BRF1: variants seen among roughly 807,000 people sequenced by gnomAD.
The protein encoded by BRF1 is transcription factor IIIB 90 kDa subunit.
BRF1 carries 59 observed loss-of-function variants against 81.7 expected under a neutral mutation model. That is an observed-to-expected ratio of 0.72 (90% CI 0.59 to 0.90). The LOEUF (loss-of-function observed/expected upper bound fraction) is 0.90, where lower values mean the gene tolerates loss of function less well. Among genes scored for constraint, BRF1 ranks in the 40% least tolerant of loss-of-function variants. The pLI is 0.00. For missense variants in BRF1, 1,050 were observed against 936.3 expected, an observed-to-expected ratio of 1.12 and a Z score of -1.58; for synonymous variants, 491 against 395.6, an observed-to-expected ratio of 1.24 and a Z score of -2.86.
Position 105,209,533 on chromosome 14 carries a change from C to CCCT in BRF1, c.*1015_*1017dup. The CCCT allele has an allele frequency of 1.4e-6, 1 of 702,624 alleles. No individual in the cohort carries two copies. The highest frequency in any genetic ancestry group is 1.5e-5 in the South Asian group (1 of 67,594). 43.5% of individuals were successfully genotyped at this position (702,624 alleles called of 1,614,324 possible). On this transcript the variant is annotated 3_prime_UTR_variant, in exon 18 of 18. Transcript: ENST00000547530. ...CCTCCTAAGGACACAGGGTGAAGCC[C>CCCT]CCTCGGCCACATCCGGGGCAGCCAT...
At chr14:105,216,779 A>C (rs981188179) in intron 15 of BRF1, among the ~76,000 whole-genome samples, 1 of 152,182 alleles carries the variant, frequency 6.6e-6, no homozygotes. Context: ...AGATCCCAAG[A>C]AGCAGTAGGA....
intron 3 of BRF1, among the ~76,000 whole-genome samples, chr14:105,262,179 C>T (rs2056191793): frequency 6.6e-6 from 1 of 152,212 alleles, no homozygotes; most frequent in East Asian, 1.9e-4. Context: ...CGGATCCTAG[C>T]TTGGAATGGG....
intron 5 of BRF1, among the ~76,000 whole-genome samples, chr14:105,251,302 T>C (rs1327758452): frequency 2.0e-5 from 3 of 152,168 alleles, no homozygotes; most frequent in Admixed American, 6.5e-5. Context: ...AGGTGCCTGG[T>C]TGTCTCTATG....
chr14:105,314,040 A>G (rs750848212), intron 1 of BRF1, among the ~76,000 whole-genome samples: 1 of 152,286 alleles, frequency 6.6e-6, no homozygotes, highest in African/African-American at 2.4e-5. Context: ...GCTGGGACGC[A>G]AAGAGGGCGC....
chr14:105,247,163 G>T (rs1317297708), intron 5 of BRF1: 1 of 985,388 alleles, frequency 1.0e-6, no homozygotes, highest in East Asian at 1.1e-4. Flanking sequence ...TGAAATCGCA[G>T]CTGTGGCCTC....
intron 10 of BRF1, among the ~76,000 whole-genome samples, chr14:105,223,776 G>A (rs1892669711): frequency 6.6e-6 from 1 of 152,138 alleles, no homozygotes; most frequent in South Asian, 2.1e-4. Flanking sequence ...TTTTAAATAT[G>A]AGCAGTTTTC....
rs2054621803 is a variant in BRF1 at position 105,241,371 on chromosome 14, G to A, written c.588C>T (p.Phe196=). Residue 196 remains phenylalanine (F), a synonymous_variant, in exon 6 of 18, where the codon TTC becomes TTT. Transcript: ENST00000547530. ...YIPRFAHLLE[F]GEKNHEVSMT... The stretch of plus-strand genomic sequence containing the variant: ...TGGACACCTCGTGGTTCTTCTCCCC[G>A]AATTCCAGCAGGTGCGCAAAGCGTG... 3.1e-6 allele frequency: 5 copies of A among 1,612,728 alleles called. No homozygotes were observed. The highest frequency in any genetic ancestry group is 1.1e-5 in the South Asian group (1 of 91,086).
At chr14:105,241,113 C>T (rs372889548) in intron 6 of BRF1, 152 bp downstream of exon 6, 58 of 1,266,064 alleles carry the variant, frequency 4.6e-5, no homozygotes, top group African/African-American at 9.0e-5. Context: ...CTGAGGACCC[C>T]GGTGGGCCAG....
chr14:105,300,307 T>A (rs1172017635), intron 1 of BRF1, 139 bp downstream of exon 1: 2 of 983,062 alleles, frequency 2.0e-6, no homozygotes, highest in Non-Finnish European at 2.8e-6. Context: ...GGATCCACAC[T>A]CGCGCCCAGA....
chr14:105,251,098 C>T lies in BRF1; in HGVS notation c.544+1409G>A, dbSNP rs147968356. The T allele has an allele frequency of 2.8e-3, 563 of 203,114 alleles. 2 individuals carry two copies. Among genetic ancestry groups the T allele is most frequent in the African/African-American group, 0.012 (530 of 42,870 alleles). 12.6% of individuals were successfully genotyped at this position (203,114 alleles called of 1,614,324 possible). On this transcript the variant is annotated intron_variant, in intron 5 of 17. Transcript: ENST00000547530. ...TAAAGGTTGCCTAAAATAACACCCACGTGTCAGTAAATGACTACAGCAGTT... is the reference window on the plus strand; with the variant it reads ...TAAAGGTTGCCTAAAATAACACCCATGTGTCAGTAAATGACTACAGCAGTT...
intron 3 of BRF1, among the ~76,000 whole-genome samples, chr14:105,265,176 T>A (rs2056355069): frequency 1.3e-5 from 2 of 151,592 alleles, no homozygotes; most frequent in African/African-American, 4.8e-5. Context: ...GCTTAAGTGA[T>A]CCTCCTGCCT....
At chr14:105,310,227 T>C (rs147567357) in intron 1 of BRF1, among the ~76,000 whole-genome samples, 2,175 of 152,028 alleles carry the variant, frequency 0.014, 59 homozygotes, top group African/African-American at 0.05. Context: ...TTTCCTTTGA[T>C]ATTAAGAATG....
At chr14:105,240,729 ACCACTAT>A (rs2054526170) in intron 6 of BRF1, among the ~76,000 whole-genome samples, 1 of 10,452 alleles carries the variant, frequency 9.6e-5, no homozygotes, top group African/African-American at 5.8e-4. Context: ...GAGAGGCCAC[ACCACTAT>A]CCGCGTAGTC....
chr14:105,248,977 GCGCCCCCGCGCCAGCGCCGCCGCCGCC>G (rs1289591180), intron 5 of BRF1: 10 of 981,866 alleles, frequency 1.0e-5, no homozygotes, highest in African/African-American at 1.8e-5. Context: ...AGCCCGCCCA[GCGCCCCCGCGCCAGCGCCGCCGCCGCC>G]CGCGCCCGCG....
rs138640836 is a variant in BRF1, at chr14:105,312,699, C to G, written c.-162+2623G>C. Among the ~76,000 whole-genome samples the G allele has an allele frequency of 7.0e-4, 106 of 152,318 alleles. 3 individuals are homozygous for G. The East Asian group carries it at 0.019, about 28-fold the overall frequency. On this transcript the variant is annotated intron_variant, in intron 1 of 17. Coordinates refer to the BRF1 transcript ENST00000327359. ...CGACAGAGGAGGGCAGTGCAAATAACAAGTTCTGGCTAAAAAGTTACTCTG... is the reference window on the plus strand; with the variant it reads ...CGACAGAGGAGGGCAGTGCAAATAAGAAGTTCTGGCTAAAAAGTTACTCTG...
At chr14:105,298,724 G>C (rs914581134) in intron 1 of BRF1, among the ~76,000 whole-genome samples, 1 of 151,886 alleles carries the variant, frequency 6.6e-6, no homozygotes, top group Non-Finnish European at 1.5e-5. Flanking sequence ...GTGAGGTGGC[G>C]CACGCCTGTA....
At chr14:105,212,066 G>A in intron 16 of BRF1, 47 bp downstream of exon 16, 1 of 1,602,720 alleles carries the variant, frequency 6.2e-7, no homozygotes, top group South Asian at 1.1e-5. Context: ...GGAAGAAGTG[G>A]GCTGCCTCCC....
chr14:105,308,531 G>A (rs2058258319), intron 1 of BRF1, among the ~76,000 whole-genome samples: 1 of 145,672 alleles, frequency 6.9e-6, no homozygotes, highest in South Asian at 2.2e-4. Context: ...CGTCCGGGCT[G>A]GAGTGCAGTG....
rs1160212466 is a variant in BRF1, at chr14:105,226,663, C to G, written c.886G>C (p.Ala296Pro). 3 of 1,613,362 alleles carry G rather than the reference C, an allele frequency of 1.9e-6. No homozygotes were observed. The highest frequency in any genetic ancestry group is 2.2e-5 in the East Asian group (1 of 44,896). ...EEECDPPSYT[A>P]GQRKLRMKQL... The stretch of plus-strand genomic sequence containing the variant: ...TTCATCCGCAGCTTCCTCTGCCCAG[C>G]TGTGTACGAGGGGGGGTCGCACTCC... The change falls in exon 8 of 18, where the codon GCT becomes CCT. Residue 296 changes from alanine (A) to proline (P), a missense_variant. Physicochemically the swap from Ala to Pro is conservative, Grantham distance 27 (BLOSUM62 -1). This residue lies in a region of BRF1 where 1,043 missense variants were observed against 915.4 expected (regional missense o/e 1.14). Coordinates refer to ENST00000547530, the MANE Select transcript of BRF1 (RefSeq NM_001519.4).
Sources: gnomAD v4.1 joint callset for allele counts (sites outside exome capture counted in the v4.1 genomes callset) on GRCh38, gnomAD v4.1.1 for gene constraint, gnomAD v4.1.1 regional missense constraint, MANE v1.5 for transcripts, NCBI Gene and HGNC (gene_info 2026-07-23, HGNC 2026-07-21) for gene names.